PCDH17: variants seen among roughly 807,000 people sequenced by gnomAD.
PCDH17 encodes the protein protocadherin-17.
A neutral mutation model predicts 67.7 loss-of-function variants in PCDH17; 21 were observed. The observed-to-expected ratio is 0.31, with a 90% CI of 0.22 to 0.45. PCDH17 has a LOEUF of 0.45. Among genes scored for constraint, PCDH17 ranks in the 20% least tolerant of loss-of-function variants. PCDH17 has a pLI of 1.00. For missense variants in PCDH17, 1,471 were observed against 1,564.8 expected (o/e 0.94, Z 1.01); for synonymous variants, 701 against 656.7 (o/e 1.07, Z -1.03).
In PCDH17 at chr13:57,724,618, A is replaced by G. The variant is rs774565205; in HGVS notation, c.2804A>G (p.Glu935Gly). Residue 935 changes from glutamate to glycine, a missense_variant, in exon 4 of 4, where the codon GAA becomes GGA. Around this residue, in one of 3 missense-constraint regions of PCDH17, gnomAD observed 297 missense variants for 298.6 expected, o/e 0.99. Transcript: ENST00000377918. ...TTTCTCTTTTGTTTTGCAGAACCAG[A>G]AGAGTGTGTTAATTGCACAGATGAA... is the stretch of plus-strand genomic sequence containing the variant. ...TKSQPLEQEP[E>G]ECVNCTDECR... The G allele has an allele frequency of 1.2e-6, 2 of 1,608,438 alleles. No individual in the cohort carries two copies. The highest frequency in any genetic ancestry group is 2.2e-5 in the South Asian group (2 of 90,894).
intron 3 of PCDH17, among the ~76,000 whole-genome samples, chr13:57,683,444 T>C (rs1955476643): frequency 6.6e-6 from 1 of 151,880 alleles, no homozygotes; most frequent in Non-Finnish European, 1.5e-5. Flanking sequence ...GTATGACTCC[T>C]TTACTTGAAA....
chr13:57,632,813 C>G lies in PCDH17; in HGVS notation c.267C>G (p.Arg89=). The G allele has an allele frequency of 6.2e-7, 1 of 1,613,692 alleles. No individual in the cohort carries two copies. Among genetic ancestry groups the G allele is most frequent in the Non-Finnish European group, 8.5e-7 (1 of 1,179,986 alleles). Residue 89 remains arginine (R), a synonymous_variant, in exon 1 of 4, where the codon CGC becomes CGG. Transcript: ENST00000377918. ...ADSGLLYTKQ[R]IDRESLCRHN... is the part of the protein sequence containing the mutation. ...GCGGGCTCCTCTACACCAAGCAGCG[C>G]ATCGACCGCGAGTCCCTGTGCCGCC...
At position 57,665,146 on chromosome 13, in the gene PCDH17, A is replaced by T. The variant is rs181935414; in HGVS notation, c.2566-1322A>T. ...TGATAAATGTCATTTGGACAAACCA[A>T]AAAAGGTTATATATTAAGAAATTTG... is the stretch of plus-strand genomic sequence containing the variant. On this transcript the variant is annotated intron_variant, in intron 1 of 3. Transcript: ENST00000377918. 2.1e-4 allele frequency among the ~76,000 whole-genome samples: 31 copies of T among 150,372 alleles called. No individual in the cohort carries two copies. The East Asian group carries it at 3.9e-3, about 19-fold the overall frequency.
chr13:57,674,148 G>A (rs1593917963), intron 3 of PCDH17, among the ~76,000 whole-genome samples: 1 of 151,840 alleles, frequency 6.6e-6, no homozygotes. Context: ...ATGTGATTTT[G>A]AGAATCTCTT....
chr13:57,698,655 C>G (rs576581549), intron 3 of PCDH17, among the ~76,000 whole-genome samples: 1 of 148,182 alleles, frequency 6.7e-6, no homozygotes, highest in African/African-American at 2.5e-5. Flanking sequence ...TAATGTGATC[C>G]ACTCAAAAAT....
intron 1 of PCDH17, among the ~76,000 whole-genome samples, chr13:57,654,799 T>C (rs1433959204): frequency 6.6e-6 from 1 of 152,028 alleles, no homozygotes; most frequent in African/African-American, 2.4e-5. Flanking sequence ...AAATGTGGTA[T>C]ATATTCTTAT....
At chr13:57,648,903 A>T (rs1593899670) in intron 1 of PCDH17, among the ~76,000 whole-genome samples, 1 of 152,078 alleles carries the variant, frequency 6.6e-6, no homozygotes, top group African/African-American at 2.4e-5. Context: ...TAATCTTTCT[A>T]GGATATTTTT....
At chr13:57,713,918 T>G (rs1955797956) in intron 3 of PCDH17, among the ~76,000 whole-genome samples, 1 of 151,614 alleles carries the variant, frequency 6.6e-6, no homozygotes, top group Non-Finnish European at 1.5e-5. Flanking sequence ...ATAGTATTTT[T>G]GAAAATACTT....
intron 1 of PCDH17, among the ~76,000 whole-genome samples, chr13:57,653,893 T>C (rs1289790203): frequency 2.0e-5 from 3 of 152,156 alleles, no homozygotes; most frequent in East Asian, 1.9e-4. Flanking sequence ...TAGTTTGGAA[T>C]TGAGTATAAA....
At chr13:57,648,459 C>T (rs1272158367) in intron 1 of PCDH17, among the ~76,000 whole-genome samples, 1 of 151,902 alleles carries the variant, frequency 6.6e-6, no homozygotes, top group Non-Finnish European at 1.5e-5. Flanking sequence ...TCTGTATTTT[C>T]AAGTTGGACA....
chr13:57,697,687 G>A lies in PCDH17; in HGVS notation c.2798-26925G>A, dbSNP rs545484766. ...AAATAATCAAAAATGGTATTTAGAA[G>A]AAAAAAGACTATAGATTACAAATAA... On this transcript the variant is annotated intron_variant, in intron 3 of 3. Coordinates refer to ENST00000377918, the MANE Select transcript of PCDH17 (RefSeq NM_001040429.3). Among the ~76,000 whole-genome samples the A allele has an allele frequency of 2.2e-3, 330 of 150,440 alleles. 2 individuals carry two copies. Among genetic ancestry groups the A allele is most frequent in the African/African-American group, 7.4e-3 (305 of 41,202 alleles).
chr13:57,672,434 C>G (rs898432632), intron 3 of PCDH17, among the ~76,000 whole-genome samples: 2 of 151,982 alleles, frequency 1.3e-5, no homozygotes, highest in Non-Finnish European at 2.9e-5. Flanking sequence ...TTCTAATTCC[C>G]CATATAATGA....
At chr13:57,656,217 A>C (rs1955101137) in intron 1 of PCDH17, among the ~76,000 whole-genome samples, 1 of 152,182 alleles carries the variant, frequency 6.6e-6, no homozygotes, top group East Asian at 1.9e-4. Context: ...TGCAGAATTT[A>C]ATTAGTGACA....
intron 1 of PCDH17, among the ~76,000 whole-genome samples, chr13:57,642,155 C>T (rs1240189918): frequency 6.6e-6 from 1 of 151,560 alleles, no homozygotes; most frequent in Non-Finnish European, 1.5e-5. Context: ...CTGTTTGATT[C>T]TGAAATATAT....
chr13:57,708,824 G>A (rs945991686), intron 3 of PCDH17, among the ~76,000 whole-genome samples: 4 of 151,836 alleles, frequency 2.6e-5, no homozygotes, highest in African/African-American at 9.7e-5. Context: ...TCACCAACAG[G>A]CATTTTTTGT....
At position 57,634,085 on chromosome 13, in the gene PCDH17, C is replaced by T. The variant is rs769843004; in HGVS notation, c.1539C>T (p.Pro513=). 3.1e-6 allele frequency: 5 copies of T among 1,612,898 alleles called. No individual in the cohort carries two copies. Among genetic ancestry groups the T allele is most frequent in the Non-Finnish European group, 4.2e-6 (5 of 1,179,826 alleles). ...QNGTVSYSIL[P]SHIGDVSIYT... ...GCACCGTATCCTACTCTATCCTGCC[C>T]TCGCACATCGGCGACGTGTCTATCT... The change falls in exon 1 of 4, where the codon CCC becomes CCT. Residue 513 remains proline (P), a synonymous_variant. Coordinates refer to ENST00000377918, the MANE Select transcript of PCDH17 (RefSeq NM_001040429.3). The surrounding 1 kb of genome is among the most constrained non-coding windows in gnomAD (Gnocchi z 7.8).
chr13:57,700,418 A>G (rs1465765806), intron 3 of PCDH17, among the ~76,000 whole-genome samples: 1 of 151,292 alleles, frequency 6.6e-6, no homozygotes, highest in Admixed American at 6.6e-5. Context: ...TCCCGGCTAC[A>G]AGCGATTCTC....
chr13:57,718,142 C>A (rs1175286160), intron 3 of PCDH17, among the ~76,000 whole-genome samples: 2 of 151,962 alleles, frequency 1.3e-5, no homozygotes, highest in African/African-American at 2.4e-5. Context: ...AAATACAATG[C>A]TATAGAAGAA....
At chr13:57,669,571 G>T (rs1373851416) in intron 3 of PCDH17, among the ~76,000 whole-genome samples, 1 of 151,980 alleles carries the variant, frequency 6.6e-6, no homozygotes, top group African/African-American at 2.4e-5. Flanking sequence ...AGATTTAGAG[G>T]AGGAGACTAC....
Sources: gnomAD v4.1 joint callset for allele counts (sites outside exome capture counted in the v4.1 genomes callset) on GRCh38, gnomAD v4.1.1 for gene constraint, gnomAD v4.1.1 regional missense constraint, Gnocchi (gnomAD v3.1) non-coding constraint, MANE v1.5 for transcripts, NCBI Gene and HGNC (gene_info 2026-07-23, HGNC 2026-07-21) for gene names.